ZFHX3: variants seen among roughly 807,000 people sequenced by gnomAD.
ZFHX3 encodes the protein zinc finger homeobox protein 3.
Under a neutral mutation model 279.1 loss-of-function variants are expected in ZFHX3, and 42 were observed. The observed-to-expected ratio is 0.15, with a 90% confidence interval of 0.12 to 0.19. ZFHX3 has a LOEUF of 0.19. Ranked by LOEUF, ZFHX3 falls within the 10% of genes least tolerant of loss-of-function variation. The pLI is 1.00. For synonymous variants in ZFHX3, 2,293 were observed against 1,957.8 expected (o/e 1.17, Z -4.52); for missense variants, 4,981 against 4,754.0 (o/e 1.05, Z -1.40).
chr16:73,836,210 A>G (rs1961141190), intron 1 of ZFHX3, among the ~76,000 whole-genome samples: 1 of 152,148 alleles, frequency 6.6e-6, no homozygotes, highest in Non-Finnish European at 1.5e-5. Flanking sequence ...CTCCCATTCC[A>G]CATTGAACCC....
At chr16:73,823,801 G>A (rs1458126576) in intron 1 of ZFHX3, among the ~76,000 whole-genome samples, 2 of 152,152 alleles carry the variant, frequency 1.3e-5, no homozygotes, top group Non-Finnish European at 2.9e-5. Context: ...AAGAGAAAAA[G>A]TATGCCAGCG....
chr16:73,721,493 G>A (rs974096554), intron 1 of ZFHX3, among the ~76,000 whole-genome samples: 19 of 152,108 alleles, frequency 1.2e-4, no homozygotes, highest in African/African-American at 4.6e-4. Flanking sequence ...TGGATTTGCT[G>A]ACCATTTATC....
chr16:73,399,475 T>C (rs1019050326), intron 3 of ZFHX3, among the ~76,000 whole-genome samples: 5 of 152,206 alleles, frequency 3.3e-5, no homozygotes, highest in African/African-American at 1.2e-4. Flanking sequence ...TTGTTTTTTA[T>C]AATCCTTCTT....
chr16:73,515,318 C>T (rs2019500247), intron 2 of ZFHX3, among the ~76,000 whole-genome samples: 1 of 152,110 alleles, frequency 6.6e-6, no homozygotes, highest in South Asian at 2.1e-4. Flanking sequence ...GCAGGATGTA[C>T]TGGTTAAGGA....
intron 2 of ZFHX3, among the ~76,000 whole-genome samples, chr16:73,496,059 C>T (rs1250817284): frequency 2.0e-5 from 3 of 152,144 alleles, no homozygotes; most frequent in Non-Finnish European, 4.4e-5. Flanking sequence ...CTCGCACACA[C>T]GGAGCACACA....
At chr16:73,537,647 C>A (rs572810112) in intron 2 of ZFHX3, among the ~76,000 whole-genome samples, 5 of 152,250 alleles carry the variant, frequency 3.3e-5, no homozygotes, top group Admixed American at 3.3e-4. Flanking sequence ...AATATAGAGG[C>A]TACAATTGTG....
chr16:73,551,997 G>A (rs914243197), intron 2 of ZFHX3, among the ~76,000 whole-genome samples: 4 of 152,162 alleles, frequency 2.6e-5, no homozygotes, highest in Admixed American at 6.5e-5. Context: ...TAGCATAGAT[G>A]TGTCTGTGAG....
intron 2 of ZFHX3, among the ~76,000 whole-genome samples, chr16:73,496,808 G>A (rs2019149800): frequency 6.6e-6 from 1 of 152,168 alleles, no homozygotes; most frequent in Non-Finnish European, 1.5e-5. Context: ...TCTGGGGGGT[G>A]GGAGTGAGGG....
At chr16:73,248,645 A>ATGTGTGTGTGTGTGTGTGTG (rs145260850) in intron 5 of ZFHX3, among the ~76,000 whole-genome samples, 8 of 149,120 alleles carry the variant, frequency 5.4e-5, no homozygotes, top group African/African-American at 2.0e-4. Context: ...TGGAGAATGT[A>ATGTGTGTGTGTGTGTGTGTG]TGTGTGTGTG....
intron 4 of ZFHX3, among the ~76,000 whole-genome samples, chr16:73,296,375 C>T (rs2014910123): frequency 6.6e-6 from 1 of 152,152 alleles, no homozygotes; most frequent in Admixed American, 6.5e-5. Context: ...AATGGGCCTT[C>T]CATACCCTTG....
intron 3 of ZFHX3, among the ~76,000 whole-genome samples, chr16:73,452,495 T>G (rs1017450860): frequency 2.0e-5 from 3 of 152,200 alleles, no homozygotes; most frequent in Non-Finnish European, 2.9e-5. Flanking sequence ...AGTTAAATCA[T>G]TTTCCATCTT....
chr16:73,168,211 T>TTTTCTTTC (rs71156144), intron 5 of ZFHX3, among the ~76,000 whole-genome samples: 17,115 of 94,988 alleles, frequency 0.18, 2,845 homozygotes, highest in South Asian at 0.2. Flanking sequence ...GTTTCTTTTG[T>TTTTCTTTC]TTTCTTTCTT....
In ZFHX3 at chr16:72,957,842, G is replaced by A; in HGVS notation, c.2304C>T (p.His768=). 6.2e-7 allele frequency: 1 copy of A among 1,613,230 alleles called. No homozygotes were observed. Among genetic ancestry groups the A allele is most frequent in the Non-Finnish European group, 8.5e-7 (1 of 1,179,610 alleles). Residue 768 remains histidine, a synonymous_variant, in exon 2 of 10, where the codon CAC becomes CAT. Coordinates refer to ENST00000268489, the MANE Select transcript of ZFHX3 (RefSeq NM_006885.4). The stretch of plus-strand genomic sequence containing the variant: ...CCGCCGCCGCCGCCGCCCCGGCAGT[G>A]TGGCTGAAGACCTGCTCCCCCCCTC... ...QNGGGEQVFS[H]TAGAAAAAVA...
At chr16:73,031,822 G>C (rs1964712652) in intron 1 of ZFHX3, among the ~76,000 whole-genome samples, 1 of 152,160 alleles carries the variant, frequency 6.6e-6, no homozygotes, top group Non-Finnish European at 1.5e-5. Context: ...GCTAGAAGGA[G>C]AGGGCAGAGG....
At chr16:72,905,923 T>G (rs1274762174) in intron 3 of ZFHX3, among the ~76,000 whole-genome samples, 1 of 152,172 alleles carries the variant, frequency 6.6e-6, no homozygotes, top group Non-Finnish European at 1.5e-5. Flanking sequence ...GCTGACTGGA[T>G]CCCCAAGTCA....
At chr16:72,815,793 T>C (rs1053464229) in intron 5 of ZFHX3, among the ~76,000 whole-genome samples, 8 of 152,344 alleles carry the variant, frequency 5.3e-5, no homozygotes, top group East Asian at 3.9e-4. Flanking sequence ...GTTTAGACAA[T>C]TGGTGTCTGG....
chr16:73,028,061 A>C (rs1964574263), intron 1 of ZFHX3, among the ~76,000 whole-genome samples: 2 of 152,128 alleles, frequency 1.3e-5, no homozygotes, highest in Non-Finnish European at 2.9e-5. Flanking sequence ...AGCTGCACCG[A>C]GACAGTGGGT....
intron 1 of ZFHX3, among the ~76,000 whole-genome samples, chr16:73,799,927 G>T (rs978205324): frequency 3.3e-5 from 5 of 151,912 alleles, no homozygotes; most frequent in African/African-American, 1.2e-4. Flanking sequence ...CAGGTGTAGT[G>T]CCCTCATCTG....
At chr16:73,665,948 TG>T (rs1228616064) in intron 2 of ZFHX3, among the ~76,000 whole-genome samples, 2 of 151,250 alleles carry the variant, frequency 1.3e-5, no homozygotes, top group African/African-American at 4.9e-5. Context: ...CATGAGTAAC[TG>T]GGACTACAGG....
Sources: allele counts gnomAD v4.1 joint callset (sites outside exome capture counted in the v4.1 genomes callset), GRCh38; gene constraint gnomAD v4.1.1; transcripts MANE v1.5; gene names NCBI Gene and HGNC (gene_info 2026-07-23, HGNC 2026-07-21).